The following NDST4 variants were observed in gnomAD, a reference collection of about 807,000 sequenced individuals.
NDST4 encodes the protein N-heparan sulfate sulfotransferase 4.
A neutral mutation model predicts 100.8 loss-of-function variants in NDST4; 63 were observed. The observed-to-expected ratio is 0.62, with a 90% CI of 0.51 to 0.77. The LOEUF is 0.77. Ranked by LOEUF, NDST4 falls within the 30% of genes least tolerant of loss-of-function variation. The pLI, the probability that NDST4 is intolerant of heterozygous loss-of-function variation, is 0.00. For synonymous variants in NDST4, 377 were observed against 361.8 expected (o/e 1.04, Z -0.48); for missense variants, 943 against 1,018.4 (o/e 0.93, Z 1.01).
At chr4:115,101,917 GT>G (rs1011847079) in intron 1 of NDST4, among the ~76,000 whole-genome samples, 2 of 152,088 alleles carry the variant, frequency 1.3e-5, no homozygotes, top group African/African-American at 2.4e-5. Flanking sequence ...GATGTAAATT[GT>G]TTTAGCCATT....
At chr4:114,899,793 T>G (rs1394436962) in intron 6 of NDST4, among the ~76,000 whole-genome samples, 1 of 152,254 alleles carries the variant, frequency 6.6e-6, no homozygotes, top group East Asian at 1.9e-4. Flanking sequence ...CTGTAGTTTT[T>G]GTTTTTTGGA....
chr4:115,065,875 C>A (rs1022143610), intron 2 of NDST4, among the ~76,000 whole-genome samples: 1 of 152,132 alleles, frequency 6.6e-6, no homozygotes, highest in Non-Finnish European at 1.5e-5. Context: ...GGCAACTTAC[C>A]ATTCTCAAAA....
intron 7 of NDST4, among the ~76,000 whole-genome samples, chr4:114,866,444 C>T (rs1001553190): frequency 5.3e-5 from 8 of 152,170 alleles, no homozygotes; most frequent in African/African-American, 1.2e-4. Context: ...CAAAGCTTCC[C>T]GCACTGACTT....
intron 2 of NDST4, among the ~76,000 whole-genome samples, chr4:115,057,735 G>GACACAC (rs35061218): frequency 1.4e-5 from 2 of 141,648 alleles, no homozygotes; most frequent in African/African-American, 2.6e-5. Flanking sequence ...CACACACACA[G>GACACAC]ACACACACAC....
intron 4 of NDST4, among the ~76,000 whole-genome samples, chr4:114,950,602 C>T (rs1187983788): frequency 6.6e-6 from 1 of 152,034 alleles, no homozygotes; most frequent in Non-Finnish European, 1.5e-5. Flanking sequence ...GGCTAAATCC[C>T]ACAGGCAGTA....
At chr4:114,881,134 T>A (rs1169732836) in intron 6 of NDST4, among the ~76,000 whole-genome samples, 3 of 152,020 alleles carry the variant, frequency 2.0e-5, no homozygotes. Context: ...TAGGGAGGGA[T>A]CATAGTCAGA....
chr4:114,984,351 G>A (rs1410042354), intron 2 of NDST4, among the ~76,000 whole-genome samples: 1 of 151,820 alleles, frequency 6.6e-6, no homozygotes, highest in Non-Finnish European at 1.5e-5. Flanking sequence ...GATAATTTTT[G>A]TATTTTTAGT....
At chr4:114,999,142 G>C (rs1412798681) in intron 2 of NDST4, among the ~76,000 whole-genome samples, 1 of 151,982 alleles carries the variant, frequency 6.6e-6, no homozygotes, top group Non-Finnish European at 1.5e-5. Context: ...TTACTTATTT[G>C]CTTCACTGAG....
chr4:114,986,789 TATAC>T lies in NDST4; in HGVS notation c.979-9519_979-9516del, dbSNP rs1278406938. Among the ~76,000 whole-genome samples, 49 of 81,666 alleles carry T rather than the reference TATAC, an allele frequency of 6.0e-4. No homozygotes were observed. The East Asian group carries it at 6.5e-3, about 11-fold the overall frequency. The allele number at this position is 81,666 out of a possible 152,430, so 53.6% of individuals were successfully genotyped here. On this transcript the variant is annotated intron_variant, in intron 2 of 13. Transcript: ENST00000264363. Reference sequence around the variant, plus strand: ...AGTTCCTCTAAGCCTGGTATCCAATTATACATATATATATATATATATATATATA... The same window carrying T: ...AGTTCCTCTAAGCCTGGTATCCAATTATATATATATATATATATATATATA...
At chr4:114,847,629 C>T (rs552102406) in intron 9 of NDST4, among the ~76,000 whole-genome samples, 3 of 151,982 alleles carry the variant, frequency 2.0e-5, no homozygotes, top group African/African-American at 7.2e-5. Context: ...CAGGTTTATT[C>T]TATTTTAGTT....
At chr4:114,956,353 G>A (rs892995532) in intron 4 of NDST4, among the ~76,000 whole-genome samples, 4 of 152,186 alleles carry the variant, frequency 2.6e-5, no homozygotes, top group Non-Finnish European at 5.9e-5. Context: ...GAGACACAGT[G>A]TGAAGAACTT....
At chr4:114,840,196 T>C (rs955769295) in intron 10 of NDST4, among the ~76,000 whole-genome samples, 3 of 152,212 alleles carry the variant, frequency 2.0e-5, no homozygotes, top group African/African-American at 7.2e-5. Context: ...TATCTAAACC[T>C]GCTAATTCAC....
At chr4:114,882,442 T>G (rs187121594) in intron 6 of NDST4, among the ~76,000 whole-genome samples, 5 of 152,216 alleles carry the variant, frequency 3.3e-5, no homozygotes, top group Non-Finnish European at 5.9e-5. Flanking sequence ...GCATTTGAAT[T>G]CTGGCCACAC....
At chr4:115,068,791 G>A (rs1394810156) in intron 2 of NDST4, among the ~76,000 whole-genome samples, 5 of 147,886 alleles carry the variant, frequency 3.4e-5, no homozygotes, top group Non-Finnish European at 7.4e-5. Flanking sequence ...ACTCCAGCTT[G>A]GGCATCAGAG....
intron 2 of NDST4, among the ~76,000 whole-genome samples, chr4:115,048,565 C>T (rs1013504500): frequency 3.3e-5 from 5 of 152,216 alleles, no homozygotes; most frequent in South Asian, 2.1e-4. Flanking sequence ...TGATTACACG[C>T]GTGAGCCACC....
intron 11 of NDST4, among the ~76,000 whole-genome samples, chr4:114,838,626 T>C (rs747721538): frequency 1.3e-5 from 2 of 151,876 alleles, no homozygotes; most frequent in African/African-American, 2.4e-5. Flanking sequence ...AATGAGAACA[T>C]ATAGGCACAG....
At chr4:115,099,936 A>G (rs1051042140) in intron 1 of NDST4, among the ~76,000 whole-genome samples, 4 of 152,186 alleles carry the variant, frequency 2.6e-5, no homozygotes, top group African/African-American at 7.2e-5. Flanking sequence ...GTGAATGAAT[A>G]AATAAGCTTT....
chr4:115,026,440 C>G (rs1270315221), intron 2 of NDST4, among the ~76,000 whole-genome samples: 2 of 151,540 alleles, frequency 1.3e-5, no homozygotes, highest in Non-Finnish European at 2.9e-5. Flanking sequence ...TACACACACA[C>G]ACACACACAC....
intron 2 of NDST4, among the ~76,000 whole-genome samples, chr4:115,074,649 A>G (rs558095157): frequency 6.6e-6 from 1 of 152,258 alleles, no homozygotes; most frequent in South Asian, 2.1e-4. Context: ...AACAGAGTTC[A>G]TTGGTTCACA....
Sources: allele counts gnomAD v4.1 joint callset (sites outside exome capture counted in the v4.1 genomes callset), GRCh38; gene constraint gnomAD v4.1.1; transcripts MANE v1.5; gene names NCBI Gene and HGNC (gene_info 2026-07-23, HGNC 2026-07-21).